Variants in CRLF3 observed in about 807,000 individuals in gnomAD.
CRLF3 encodes the protein cytokine receptor-like factor 3.
CRLF3 carries 33 observed loss-of-function variants against 55.0 expected under a neutral mutation model. The observed-to-expected ratio is 0.60, with a 90% CI of 0.46 to 0.80. CRLF3 has a LOEUF of 0.80. Ranked by LOEUF, CRLF3 falls within the 30% of genes least tolerant of loss-of-function variation. CRLF3 has a pLI of 0.00. For missense variants in CRLF3, 494 were observed against 538.4 expected, an observed-to-expected ratio of 0.92 and a Z score of 0.82; for synonymous variants, 238 against 196.8, an observed-to-expected ratio of 1.21 and a Z score of -1.75.
chr17:30,784,543 G>T, intron 7 of CRLF3, 100 bp from the exon 8 acceptor site: 1 of 1,105,196 alleles, frequency 9.0e-7, no homozygotes. Flanking sequence ...TCCTAATTCA[G>T]ATTTTAAAAA....
chr17:30,822,690 ATTTT>A (rs201663902), intron 1 of CRLF3, among the ~76,000 whole-genome samples: 8 of 152,062 alleles, frequency 5.3e-5, no homozygotes, highest in African/African-American at 1.9e-4. Context: ...TGTAATCACG[ATTTT>A]TTTTAATGCA....
intron 1 of CRLF3, among the ~76,000 whole-genome samples, chr17:30,816,137 C>T (rs915358920): frequency 1.3e-5 from 2 of 151,628 alleles, no homozygotes; most frequent in Admixed American, 6.6e-5. Context: ...GAAAAACTAG[C>T]CGGGCATGGT....
intron 1 of CRLF3, among the ~76,000 whole-genome samples, chr17:30,815,393 T>C (rs981542185): frequency 2.6e-5 from 4 of 151,134 alleles, no homozygotes; most frequent in African/African-American, 9.7e-5. Context: ...GCCAACTTTT[T>C]GTATTTTTAG....
At chr17:30,805,536 A>T (rs764783299) in intron 1 of CRLF3, among the ~76,000 whole-genome samples, 2 of 151,806 alleles carry the variant, frequency 1.3e-5, no homozygotes, top group Non-Finnish European at 2.9e-5. Context: ...ACATGGTGAA[A>T]CTCCATCTCT....
At chr17:30,813,837 C>T (rs760690146) in intron 1 of CRLF3, among the ~76,000 whole-genome samples, 3 of 150,960 alleles carry the variant, frequency 2.0e-5, no homozygotes, top group Non-Finnish European at 4.4e-5. Context: ...AGATACTACC[C>T]TTATCCTCAT....
intron 3 of CRLF3, among the ~76,000 whole-genome samples, 159 bp downstream of exon 3, chr17:30,797,152 A>G (rs1195111785): frequency 6.6e-6 from 1 of 152,060 alleles, no homozygotes; most frequent in East Asian, 1.9e-4. Flanking sequence ...TGGCCTCCCA[A>G]CGTGCTGGGA....
At chr17:30,797,481 C>CT in intron 2 of CRLF3, 83 bp from the exon 3 acceptor site, 2 of 1,119,094 alleles carry the variant, frequency 1.8e-6, no homozygotes, top group South Asian at 2.6e-5. Flanking sequence ...GGGTGGGTCT[C>CT]TAGCGTTCTT....
chr17:30,788,124 T>G (rs377374966), intron 6 of CRLF3, among the ~76,000 whole-genome samples: 15 of 151,786 alleles, frequency 9.9e-5, no homozygotes, highest in Non-Finnish European at 2.2e-4. Flanking sequence ...GTCAGGAGAT[T>G]GAGACCATCC....
At chr17:30,797,456 A>G (rs1971935748) in intron 2 of CRLF3, 58 bp from the exon 3 acceptor site, 1 of 1,380,170 alleles carries the variant, frequency 7.2e-7, no homozygotes, top group Non-Finnish European at 1.0e-6. Flanking sequence ...AAAGTAATCA[A>G]CACAACTCAT....
intron 1 of CRLF3, among the ~76,000 whole-genome samples, chr17:30,815,544 T>C (rs201962531): frequency 0.05 from 5,382 of 107,902 alleles, 146 homozygotes; most frequent in Middle Eastern, 0.076. Flanking sequence ...GTTTCTTCTT[T>C]TTTTTTTTTT....
intron 1 of CRLF3, among the ~76,000 whole-genome samples, chr17:30,819,228 C>G (rs1448597399): frequency 7.9e-5 from 12 of 152,198 alleles, no homozygotes; most frequent in Admixed American, 5.9e-4. Flanking sequence ...CCAAAAGGTA[C>G]ATGAAAGCCA....
intron 1 of CRLF3, among the ~76,000 whole-genome samples, chr17:30,815,535 T>C (rs1309201174): frequency 1.4e-5 from 2 of 141,444 alleles, no homozygotes; most frequent in Non-Finnish European, 3.0e-5. Flanking sequence ...AAATGGCTAG[T>C]TTCTTCTTTT....
chr17:30,793,863 G>C (rs890568920), intron 4 of CRLF3, among the ~76,000 whole-genome samples, 191 bp from the exon 5 acceptor site: 2 of 150,896 alleles, frequency 1.3e-5, no homozygotes, highest in Non-Finnish European at 2.9e-5. Flanking sequence ...TTTTGAGAAA[G>C]GGTCTCACTT....
chr17:30,796,300 A>G lies in CRLF3; in HGVS notation c.463T>C (p.Leu155=). The change falls in exon 4 of 8, where the codon TTA becomes CTA. Residue 155 remains leucine (L), a synonymous_variant. Transcript: ENST00000324238. ...ATTGAGTCATCCAACTGAGCAGATA[A>G]ACAAGGCACATCAACCAGTAAAGGT... ...EVPLLVDVPC[L]SAQLDDSILN... The G allele has an allele frequency of 6.2e-7, 1 of 1,614,048 alleles. No individual in the cohort carries two copies. Among genetic ancestry groups the G allele is most frequent in the Non-Finnish European group, 8.5e-7 (1 of 1,179,954 alleles).
chr17:30,818,530 C>T (rs1365768193), intron 1 of CRLF3, among the ~76,000 whole-genome samples: 5 of 149,098 alleles, frequency 3.4e-5, no homozygotes, highest in African/African-American at 4.9e-5. Context: ...CTCGGCTCAC[C>T]GCAACCTCCG....
chr17:30,808,277 ATTTTTTTTTTTTTTTTT>A (rs71138901), intron 1 of CRLF3, among the ~76,000 whole-genome samples: 1 of 54,864 alleles, frequency 1.8e-5, no homozygotes, highest in East Asian at 5.5e-4. Context: ...TAGAACCTAT[ATTTTTTTTTTTTTTTTT>A]TTTTTTTTTG....
chr17:30,803,582 G>A (rs558124617), intron 2 of CRLF3: 14 of 262,764 alleles, frequency 5.3e-5, no homozygotes, highest in African/African-American at 2.9e-4. Context: ...CCCATGTGTT[G>A]CAGGAGGGAC....
chr17:30,803,174 AAT>A (rs1555549204), intron 2 of CRLF3, among the ~76,000 whole-genome samples: 7 of 149,908 alleles, frequency 4.7e-5, no homozygotes, highest in East Asian at 1.9e-4. Context: ...TCAAAAAAAA[AAT>A]ATATATATAT....
chr17:30,821,139 C>A (rs986488609), intron 1 of CRLF3, among the ~76,000 whole-genome samples: 1 of 151,042 alleles, frequency 6.6e-6, no homozygotes, highest in African/African-American at 2.4e-5. Flanking sequence ...CATCTGAGCC[C>A]AGGAGGCTGG....
Sources: allele counts gnomAD v4.1 joint callset (sites outside exome capture counted in the v4.1 genomes callset), GRCh38; gene constraint gnomAD v4.1.1; transcripts MANE v1.5; gene names NCBI Gene and HGNC (gene_info 2026-07-23, HGNC 2026-07-21).